Variants in CCDC66 observed in about 807,000 individuals in gnomAD.
CCDC66 encodes coiled-coil domain-containing protein 66.
In CCDC66, 133 loss-of-function variants were observed where a neutral mutation model predicts 128.3. The observed-to-expected ratio is 1.04, with a 90% CI of 0.90 to 1.20. The LOEUF is 1.20. Ranked by LOEUF, CCDC66 falls within the 50% of genes most tolerant of loss-of-function variation. CCDC66 has a pLI of 0.00. For missense variants in CCDC66, 1,126 were observed against 1,075.5 expected (o/e 1.05, Z -0.66); for synonymous variants, 387 against 357.0 (o/e 1.08, Z -0.95).
chr3:56,594,899 C>T (rs1025920926), intron 10 of CCDC66, among the ~76,000 whole-genome samples: 1 of 152,286 alleles, frequency 6.6e-6, no homozygotes, highest in African/African-American at 2.4e-5. Flanking sequence ...CTATGCTAAG[C>T]ACTGAGATTA....
chr3:56,617,068 A>T, intron 13 of CCDC66, 44 bp from the exon 14 acceptor site: 1 of 1,388,902 alleles, frequency 7.2e-7, no homozygotes, highest in Non-Finnish European at 9.6e-7. Context: ...AATATTGAAA[A>T]TTTTGTTTAC....
intron 10 of CCDC66, among the ~76,000 whole-genome samples, chr3:56,596,192 T>G (rs1320598193): frequency 6.6e-6 from 1 of 152,244 alleles, no homozygotes; most frequent in Non-Finnish European, 1.5e-5. Flanking sequence ...GTGCTGGGAT[T>G]ACAGGCATGA....
chr3:56,565,018 G>A (rs1491004030), intron 4 of CCDC66: 4 of 202,220 alleles, frequency 2.0e-5, no homozygotes, highest in South Asian at 5.6e-5. Context: ...GCCTAATCAC[G>A]TAGACTTTCA....
rs540779763 is a variant in CCDC66 at position 56,613,724 on chromosome 3, G to T, written c.1540G>T (p.Asp514Tyr). 1 of 1,609,888 alleles carries T rather than the reference G, an allele frequency of 6.2e-7. No homozygotes were observed. The highest frequency in any genetic ancestry group is 1.3e-5 in the African/African-American group (1 of 74,724). The stretch of plus-strand genomic sequence containing the variant: ...AGAGATGCAGAAACAGTATGAAGAA[G>T]ACATACTTAAGCAAAAACAAAAGGA... ...REEMQKQYEE[D>Y]ILKQKQKEEI... The change falls in exon 11 of 18, where the codon GAC (aspartate) becomes TAC (tyrosine). Residue 514 changes from aspartate to tyrosine, a missense_variant. Physicochemically the swap from Asp to Tyr is radical, Grantham distance 160. Coordinates refer to ENST00000394672, the MANE Select transcript of CCDC66 (RefSeq NM_001141947.3).
chr3:56,597,076 A>T (rs1223202893), intron 10 of CCDC66, among the ~76,000 whole-genome samples: 1 of 151,808 alleles, frequency 6.6e-6, no homozygotes, highest in Non-Finnish European at 1.5e-5. Context: ...TGTTTTTTGA[A>T]TATGGTGAGA....
chr3:56,597,396 C>T (rs1038339615), intron 10 of CCDC66, among the ~76,000 whole-genome samples: 3 of 151,762 alleles, frequency 2.0e-5, no homozygotes, highest in Non-Finnish European at 4.4e-5. Context: ...TTTTTGGTTT[C>T]ATAGAAAGTT....
At position 56,621,528 on chromosome 3, in the gene CCDC66, T is replaced by C. The variant is rs375442772; in HGVS notation, c.2761-4T>C. On this transcript the variant is annotated splice_polypyrimidine_tract_variant and splice_region_variant and intron_variant, in intron 17 of 17. Transcript: ENST00000394672. The stretch of plus-strand genomic sequence containing the variant: ...CTAACAAACATATATCAATGTGATT[T>C]CAGGGCCTTCTCCAGAAGCAAAAGG... The C allele has an allele frequency of 1.9e-6, 3 of 1,580,076 alleles. No homozygotes were observed. The highest frequency in any genetic ancestry group is 2.6e-6 in the Non-Finnish European group (3 of 1,163,102).
chr3:56,610,166 G>A (rs1045878369), intron 10 of CCDC66, among the ~76,000 whole-genome samples: 2 of 152,146 alleles, frequency 1.3e-5, no homozygotes, highest in African/African-American at 4.8e-5. Flanking sequence ...CCCTAAATAT[G>A]TTTTGCAAGC....
rs185979612 is a variant in CCDC66, at chr3:56,602,531, G to A, written c.1404+8503G>A. On this transcript the variant is annotated intron_variant, in intron 10 of 17. Coordinates refer to ENST00000394672, the MANE Select transcript of CCDC66 (RefSeq NM_001141947.3). ...GGATTCCCTCTATTTCTATTGATTG[G>A]AATAGTTTCAGAAGGAATGGTACCA... 4.1e-3 allele frequency among the ~76,000 whole-genome samples: 618 copies of A among 152,084 alleles called. 7 individuals are homozygous for A. The highest frequency in any genetic ancestry group is 3.6e-3 in the Non-Finnish European group (243 of 68,012).
chr3:56,618,372 A>C (rs2075806581), intron 15 of CCDC66, 160 bp downstream of exon 15: 1 of 598,018 alleles, frequency 1.7e-6, no homozygotes, highest in East Asian at 2.8e-5. Context: ...ATAGTGTGGC[A>C]CTTTAGCAGG....
chr3:56,562,179 T>G (rs1037634883), intron 3 of CCDC66, among the ~76,000 whole-genome samples: 1 of 152,108 alleles, frequency 6.6e-6, no homozygotes, highest in Non-Finnish European at 1.5e-5. Flanking sequence ...TAGCTAGGAC[T>G]ACAGGCGCGT....
intron 7 of CCDC66, 85 bp downstream of exon 7, chr3:56,571,387 A>T (rs376590635): frequency 5.3e-6 from 4 of 758,184 alleles, no homozygotes; most frequent in Non-Finnish European, 8.1e-6. Flanking sequence ...AAAAAAAAAA[A>T]GTTTTTTTTT....
intron 3 of CCDC66, chr3:56,561,338 A>G: frequency 4.4e-6 from 2 of 453,048 alleles, no homozygotes; most frequent in Non-Finnish European, 8.8e-6. Context: ...GATCCCCTTT[A>G]TAGGCCTATA....
rs769893096 is a variant in CCDC66 at position 56,592,950 on chromosome 3, C to T, written c.937-20C>T. 10 of 1,598,728 alleles carry T rather than the reference C, an allele frequency of 6.3e-6. No individual in the cohort carries two copies. Among genetic ancestry groups the T allele is most frequent in the Non-Finnish European group, 8.5e-6 (10 of 1,175,936 alleles). On this transcript the variant is annotated intron_variant, in intron 7 of 17. Transcript: ENST00000394672. ...AAAAAGAGAACTGAACTTTAGATGG[C>T]TTTTATGGCTGTTGTTTAGGAAACA...
chr3:56,584,133 CGGGGCGGCTGGCCGGGCG>C, intron 7 of CCDC66, among the ~76,000 whole-genome samples: 1 of 104,584 alleles, frequency 9.6e-6, no homozygotes, highest in African/African-American at 3.5e-5. Flanking sequence ...CCCTCCCGGA[CGGGGCGGCTGGCCGGGCG>C]GGGGCGGCCC....
At chr3:56,588,772 TAGGC>T (rs2070308875) in intron 7 of CCDC66, among the ~76,000 whole-genome samples, 1 of 152,216 alleles carries the variant, frequency 6.6e-6, no homozygotes, top group African/African-American at 2.4e-5. Context: ...GTTTGATAAT[TAGGC>T]AGTATACTTC....
chr3:56,583,742 C>G (rs1421318835), intron 7 of CCDC66, among the ~76,000 whole-genome samples: 1 of 151,876 alleles, frequency 6.6e-6, no homozygotes, highest in Non-Finnish European at 1.5e-5. Context: ...TATCTTTTCC[C>G]CACATTTCCC....
intron 4 of CCDC66, among the ~76,000 whole-genome samples, chr3:56,564,647 A>G (rs1318645641): frequency 1.3e-5 from 2 of 152,224 alleles, no homozygotes; most frequent in Non-Finnish European, 2.9e-5. Context: ...GTAGAGTGTT[A>G]CATGCTTTGT....
intron 3 of CCDC66, among the ~76,000 whole-genome samples, chr3:56,560,070 C>T (rs2064897066): frequency 6.6e-6 from 1 of 152,170 alleles, no homozygotes; most frequent in South Asian, 2.1e-4. Context: ...ACTCAAATTC[C>T]ATTTGCCCAC....
Sources: gnomAD v4.1 joint callset for allele counts (sites outside exome capture counted in the v4.1 genomes callset) on GRCh38, gnomAD v4.1.1 for gene constraint, MANE v1.5 for transcripts, NCBI Gene and HGNC (gene_info 2026-07-23, HGNC 2026-07-21) for gene names.